The following LRRC7 variants were observed in gnomAD, a reference collection of about 807,000 sequenced individuals.
LRRC7 encodes leucine-rich repeat-containing protein 7.
LRRC7 carries 23 observed loss-of-function variants against 175.7 expected under a neutral mutation model. That is an observed-to-expected ratio of 0.13 (90% CI 0.09 to 0.19). The LOEUF (loss-of-function observed/expected upper bound fraction) is 0.19, where lower values mean the gene tolerates loss of function less well. Ranked by LOEUF, LRRC7 falls within the 10% of genes least tolerant of loss-of-function variation. The pLI is 1.00. For missense variants in LRRC7, 1,354 were observed against 1,904.7 expected, an observed-to-expected ratio of 0.71 and a Z score of 5.38; for synonymous variants, 685 against 680.9, an observed-to-expected ratio of 1.01 and a Z score of -0.09.
chr1:69,887,750 T>TATC (rs1020750583), intron 7 of LRRC7, among the ~76,000 whole-genome samples: 8 of 148,808 alleles, frequency 5.4e-5, no homozygotes, highest in Non-Finnish European at 1.0e-4. Context: ...TTTGTGGTTT[T>TATC]ATCTACTTTT....
At chr1:69,966,618 T>C (rs1651686311) in intron 8 of LRRC7, among the ~76,000 whole-genome samples, 1 of 152,196 alleles carries the variant, frequency 6.6e-6, no homozygotes, top group Admixed American at 6.5e-5. Flanking sequence ...AGCGGATTGC[T>C]CCTGCAGGAC....
At chr1:69,966,230 C>T (rs1296255301) in intron 8 of LRRC7, among the ~76,000 whole-genome samples, 1 of 152,022 alleles carries the variant, frequency 6.6e-6, no homozygotes, top group Non-Finnish European at 1.5e-5. Context: ...GAGAAAACAC[C>T]TTCACCTTCA....
At chr1:69,824,458 T>G (rs1053295615) in intron 4 of LRRC7, among the ~76,000 whole-genome samples, 15 of 152,050 alleles carry the variant, frequency 9.9e-5, no homozygotes, top group African/African-American at 3.4e-4. Flanking sequence ...CTCCCAAACT[T>G]TTGGAGGCTC....
At chr1:69,873,622 A>C in intron 7 of LRRC7, 1 of 439,858 alleles carries the variant, frequency 2.3e-6, no homozygotes, top group East Asian at 6.0e-5. Context: ...AGTTCTCCCA[A>C]ACTATATTAT....
rs928770249 is a variant in LRRC7, at chr1:69,852,657, C to T, written c.647+14374C>T. 5.9e-5 allele frequency among the ~76,000 whole-genome samples: 9 copies of T among 152,106 alleles called. No homozygotes were observed. In the South Asian group the frequency reaches 8.3e-4, roughly 14 times the overall value. ...TAACATGGCTTAAACTGACACTTTT[C>T]GGTTATATGTGGACTTTATTTGCTT... On this transcript the variant is annotated intron_variant, in intron 7 of 26. Transcript: ENST00000651989.
In LRRC7 at chr1:70,036,191, T is replaced by G; in HGVS notation, c.2066T>G (p.Leu689Arg). 6.2e-7 allele frequency: 1 copy of G among 1,613,622 alleles called. No homozygotes were observed. Among genetic ancestry groups the G allele is most frequent in the South Asian group, 1.1e-5 (1 of 91,018 alleles). Residue 689 changes from leucine (L) to arginine (R), a missense_variant, in exon 19 of 27, where the codon CTG (leucine) becomes CGG (arginine). This residue lies in a region of LRRC7 where 1,032 missense variants were observed against 1,227.2 expected (regional missense o/e 0.84). Transcript: ENST00000651989. ...CACCCTTCATTAGCTGAGACCCCTC[T>G]GTACCCACCCAAACTTGTTCTGCTA... ...ELHPSLAETP[L>R]YPPKLVLLGK...
rs557133889 is a variant in LRRC7 at position 69,915,808 on chromosome 1, AT to A, written c.648-15698del. 9.9e-5 allele frequency among the ~76,000 whole-genome samples: 15 copies of A among 151,838 alleles called. No homozygotes were observed. The South Asian group carries it at 3.1e-3, about 31-fold the overall frequency. On this transcript the variant is annotated intron_variant, in intron 7 of 26. Coordinates refer to ENST00000651989, the MANE Select transcript of LRRC7 (RefSeq NM_001370785.2). The stretch of plus-strand genomic sequence containing the variant: ...ATAACTAACACAGAGAGTATTTATC[AT>A]GTGTCAGGCACTATTTACATGGTTT...
intron 7 of LRRC7, among the ~76,000 whole-genome samples, chr1:69,872,004 C>T (rs1685597459): frequency 6.6e-6 from 1 of 151,870 alleles, no homozygotes. Flanking sequence ...GCACTAATTT[C>T]AGTTGTATGC....
At chr1:69,992,928 T>A (rs145957759) in intron 10 of LRRC7, among the ~76,000 whole-genome samples, 1 of 151,988 alleles carries the variant, frequency 6.6e-6, no homozygotes, top group African/African-American at 2.4e-5. Context: ...TGTAACCCAC[T>A]CCCAAGCTTC....
chr1:70,104,623 G>T (rs1665022563), intron 25 of LRRC7, among the ~76,000 whole-genome samples: 1 of 152,094 alleles, frequency 6.6e-6, no homozygotes, highest in African/African-American at 2.4e-5. Context: ...ACATAATAAA[G>T]TGAAATCATA....
At position 69,930,448 on chromosome 1, in the gene LRRC7, T is replaced by C. The variant is rs1647261382; in HGVS notation, c.648-1059T>C. On this transcript the variant is annotated intron_variant, in intron 7 of 26. Transcript: ENST00000651989. The stretch of plus-strand genomic sequence containing the variant: ...ATCAATGGTGTCTGAAGAATTCCTG[T>C]ATAGGCAGGACTTAAGGACAGAATT... Among the ~76,000 whole-genome samples the C allele has an allele frequency of 2.0e-5, 3 of 152,182 alleles. No individual in the cohort carries two copies. The South Asian group carries it at 6.2e-4, about 32-fold the overall frequency.
At chr1:69,704,217 GTCTA>G (rs1663739728) in intron 2 of LRRC7, among the ~76,000 whole-genome samples, 2 of 151,644 alleles carry the variant, frequency 1.3e-5, no homozygotes, top group South Asian at 2.1e-4. Context: ...ACTGGTTTTT[GTCTA>G]TCTTTTATTA....
At chr1:69,669,904 C>T (rs373200907) in intron 1 of LRRC7, among the ~76,000 whole-genome samples, 16 of 152,064 alleles carry the variant, frequency 1.1e-4, no homozygotes, top group African/African-American at 3.9e-4. Context: ...TTTTTCAATT[C>T]CAGAATTTCT....
chr1:69,931,439 T>C, intron 7 of LRRC7, 68 bp from the exon 8 acceptor site: 1 of 1,265,958 alleles, frequency 7.9e-7, no homozygotes, highest in South Asian at 1.2e-5. Flanking sequence ...AGGAAGGTGG[T>C]TGGAATGTCT....
chr1:69,988,513 A>G lies in LRRC7; in HGVS notation c.931+2127A>G, dbSNP rs367681925. ...AAATCCAGCAATATCTCCAGGCCTG[A>G]TGGGCTACAAACCACAAACAGCAGC... is the stretch of plus-strand genomic sequence containing the variant. On this transcript the variant is annotated intron_variant, in intron 10 of 26. Transcript: ENST00000651989. 3.3e-5 allele frequency among the ~76,000 whole-genome samples: 5 copies of G among 152,240 alleles called. No individual in the cohort carries two copies. In the East Asian group the frequency reaches 5.8e-4, roughly 18 times the overall value.
intron 8 of LRRC7, among the ~76,000 whole-genome samples, chr1:69,966,111 G>C (rs1466658648): frequency 2.0e-5 from 3 of 151,964 alleles, no homozygotes; most frequent in African/African-American, 7.2e-5. Context: ...TCAAAATTTA[G>C]AAAAAAATGT....
chr1:69,821,008 T>C (rs1333441805), intron 4 of LRRC7, among the ~76,000 whole-genome samples: 1 of 152,158 alleles, frequency 6.6e-6, no homozygotes, highest in Non-Finnish European at 1.5e-5. Context: ...TTTCTCCACA[T>C]CCTCTCCAGC....
chr1:69,911,956 T>C (rs1646544932), intron 7 of LRRC7, among the ~76,000 whole-genome samples: 1 of 151,616 alleles, frequency 6.6e-6, no homozygotes, highest in African/African-American at 2.4e-5. Flanking sequence ...AAAATACAAG[T>C]AAGAAAACAA....
intron 2 of LRRC7, among the ~76,000 whole-genome samples, chr1:69,687,383 G>A (rs1024322340): frequency 2.6e-5 from 4 of 151,786 alleles, no homozygotes; most frequent in African/African-American, 9.7e-5. Flanking sequence ...GGTGGCACAC[G>A]CCTGTAGTCC....
Sources: gnomAD v4.1 joint callset for allele counts (sites outside exome capture counted in the v4.1 genomes callset) on GRCh38, gnomAD v4.1.1 for gene constraint, gnomAD v4.1.1 regional missense constraint, MANE v1.5 for transcripts, NCBI Gene and HGNC (gene_info 2026-07-23, HGNC 2026-07-21) for gene names.